GTPBP1: variants seen among roughly 807,000 people sequenced by gnomAD.
GTPBP1 encodes the protein GTP-binding protein 1.
In GTPBP1, 23 loss-of-function variants were observed where a neutral mutation model predicts 62.0. The ratio of observed to expected loss-of-function variants is 0.37; its 90% confidence interval spans 0.27 to 0.53. GTPBP1 has a LOEUF of 0.53. GTPBP1 is among the 20% of genes least tolerant of loss of function. GTPBP1 has a pLI of 0.89. For synonymous variants in GTPBP1, 344 were observed against 364.4 expected, an observed-to-expected ratio of 0.94 and a Z score of 0.64; for missense variants, 640 against 917.3, an observed-to-expected ratio of 0.70 and a Z score of 3.90.
At chr22:38,722,893 G>T (rs992498886) in intron 5 of GTPBP1, 1 of 1,280,686 alleles carries the variant, frequency 7.8e-7, no homozygotes, top group African/African-American at 1.5e-5. Flanking sequence ...TCCACGCTTC[G>T]GCCCACTGGG....
chr22:38,724,667 C>T (rs1486488982), intron 6 of GTPBP1, among the ~76,000 whole-genome samples: 2 of 152,036 alleles, frequency 1.3e-5, no homozygotes, highest in Admixed American at 6.5e-5. Context: ...GGTTGGCATC[C>T]CGGCTGAGAC....
chr22:38,738,930 G>A, downstream of GTPBP1: 2 of 1,613,628 alleles, frequency 1.2e-6, no homozygotes, highest in East Asian at 4.5e-5. This position sits in a 1 kb window ranked among gnomAD's most constrained non-coding sequence, Gnocchi z 6.6. Flanking sequence ...CGAAGAGGCT[G>A]AGGAGGGCCG....
At position 38,730,554 on chromosome 22, in the gene GTPBP1, C is replaced by A; in HGVS notation, c.1918-58C>A. 1 of 1,164,582 alleles carries A rather than the reference C, an allele frequency of 8.6e-7. No homozygotes were observed. The allele number at this position is 1,164,582 out of a possible 1,614,324, so 72.1% of individuals were successfully genotyped here. Reference sequence around the variant, plus strand: ...GTCTCCCCGCTGCTCAGCACCTCTGCTCTCTGGCCCTGCTCCTGATGGGCC... The same window carrying A: ...GTCTCCCCGCTGCTCAGCACCTCTGATCTCTGGCCCTGCTCCTGATGGGCC... On this transcript the variant is annotated intron_variant, in intron 11 of 11. Transcript: ENST00000216044. The surrounding 1 kb of genome is among the most constrained non-coding windows in gnomAD (Gnocchi z 5.6).
At chr22:38,720,249 TCTCA>T in intron 4 of GTPBP1, among the ~76,000 whole-genome samples, 1 of 149,790 alleles carries the variant, frequency 6.7e-6, no homozygotes, top group East Asian at 2.0e-4. Flanking sequence ...TGAGATGGAG[TCTCA>T]CTCTTGCCCA....
chr22:38,739,040 G>A (rs371332136), downstream of GTPBP1: 23 of 1,533,540 alleles, frequency 1.5e-5, no homozygotes, highest in African/African-American at 9.6e-5. This position sits in a 1 kb window ranked among gnomAD's most constrained non-coding sequence, Gnocchi z 6.7. Context: ...GGAGGGCCCC[G>A]CTCAGGCCAT....
rs2092726529 is a variant in GTPBP1, at chr22:38,726,302, C to T, written c.1263C>T (p.Ile421=). ...VVSGTTLRGL[I]KLNDTLLLGP... is the part of the protein sequence containing the mutation. ...CGGGGACAACACTGAGAGGCCTGAT[C>T]AAGCTGAATGACACGCTGCTGCTGG... The change falls in exon 8 of 12, where the codon ATC becomes ATT. Residue 421 remains isoleucine (I), a synonymous_variant. Coordinates refer to ENST00000216044, the MANE Select transcript of GTPBP1 (RefSeq NM_004286.5). This position sits in a 1 kb window ranked among gnomAD's most constrained non-coding sequence, Gnocchi z 4.1. 1 of 1,613,954 alleles carries T rather than the reference C, an allele frequency of 6.2e-7. No individual in the cohort carries two copies. Among genetic ancestry groups the T allele is most frequent in the Admixed American group, 1.7e-5 (1 of 59,968 alleles).
At chr22:38,721,369 T>TGA (rs2092699933) in intron 4 of GTPBP1, among the ~76,000 whole-genome samples, 1 of 152,042 alleles carries the variant, frequency 6.6e-6, no homozygotes, top group Non-Finnish European at 1.5e-5. Flanking sequence ...TGAGCCACCG[T>TGA]GCCCAGCCTT....
At chr22:38,706,333 A>G (rs2092604222) in intron 1 of GTPBP1, among the ~76,000 whole-genome samples, 186 bp downstream of exon 1, 2 of 151,998 alleles carry the variant, frequency 1.3e-5, no homozygotes, top group African/African-American at 2.4e-5. Flanking sequence ...GGCCGTCCCC[A>G]TGGTCCCCGC....
chr22:38,735,860 G>C (rs552956164), downstream of GTPBP1: 46 of 174,914 alleles, frequency 2.6e-4, no homozygotes, highest in African/African-American at 8.8e-4. Flanking sequence ...TTGCCCAGGG[G>C]CAGAGGCAGC....
rs71319010 is a variant in GTPBP1, at chr22:38,730,789, C to A, written c.*85C>A. On this transcript the variant is annotated 3_prime_UTR_variant, in exon 12 of 12. Coordinates refer to ENST00000216044, the MANE Select transcript of GTPBP1 (RefSeq NM_004286.5). This position sits in a 1 kb window ranked among gnomAD's most constrained non-coding sequence, Gnocchi z 5.6. ...CAGATGGGCAGAGCAGCTATGACCG[C>A]CACCCAGCCCTCCCGCTCAGGCCAC... 2 of 710,200 alleles carry A rather than the reference C, an allele frequency of 2.8e-6. No individual in the cohort carries two copies. Among genetic ancestry groups the A allele is most frequent in the African/African-American group, 3.6e-5 (2 of 55,362 alleles). The allele number at this position is 710,200 out of a possible 1,614,324, so 44.0% of individuals were successfully genotyped here.
chr22:38,727,883 C>G lies in GTPBP1; in HGVS notation c.1538-100C>G, dbSNP rs1452978439. The G allele has an allele frequency of 2.6e-6, 2 of 781,638 alleles. No individual in the cohort carries two copies. Among genetic ancestry groups the G allele is most frequent in the South Asian group, 1.6e-5 (1 of 62,634 alleles). The allele number at this position is 781,638 out of a possible 1,614,324, so 48.4% of individuals were successfully genotyped here. A position where few individuals can be genotyped will look rare whatever the true frequency, so the allele number is the denominator to read the frequency against. On this transcript the variant is annotated intron_variant, in intron 9 of 11. Transcript: ENST00000216044. The surrounding 1 kb of genome is among the most constrained non-coding windows in gnomAD (Gnocchi z 6.5). ...GCCCCAGAGATAAGCCCCCACCCTT[C>G]CACAGCTTAAGCGTATTTCATGCTT...
At chr22:38,740,267 G>A (rs138079219), downstream of GTPBP1, 2,810 of 1,573,900 alleles carry the variant, frequency 1.8e-3, 49 homozygotes, top group African/African-American at 0.035. The surrounding 1 kb of genome is among the most constrained non-coding windows in gnomAD (Gnocchi z 4.8). Flanking sequence ...TCCCACTCAC[G>A]TCGTCCCGCA....
downstream of GTPBP1, chr22:38,742,745 G>T: frequency 1.5e-6 from 1 of 670,240 alleles, no homozygotes; most frequent in Non-Finnish European, 2.4e-6. Flanking sequence ...TGTGCTGGGA[G>T]CCAGGGATCA....
At chr22:38,725,661 CTG>C (rs1413445461) in intron 6 of GTPBP1, 4 of 246,522 alleles carry the variant, frequency 1.6e-5, no homozygotes, top group African/African-American at 4.4e-5. Context: ...GGTATCTTCT[CTG>C]TGGTGGAAAG....
downstream of GTPBP1, chr22:38,739,541 T>A: frequency 1.5e-6 from 2 of 1,360,328 alleles, no homozygotes; most frequent in Non-Finnish European, 2.1e-6. This position sits in a 1 kb window ranked among gnomAD's most constrained non-coding sequence, Gnocchi z 6.7. Flanking sequence ...TGCACTGTGC[T>A]GGTGCCCAGG....
chr22:38,714,518 A>G (rs2092658418), intron 2 of GTPBP1, among the ~76,000 whole-genome samples: 1 of 150,280 alleles, frequency 6.7e-6, no homozygotes, highest in Non-Finnish European at 1.5e-5. Flanking sequence ...GTGGCATGTG[A>G]CAACTGCGGT....
At chr22:38,720,180 G>A (rs1203698959) in intron 4 of GTPBP1, among the ~76,000 whole-genome samples, 3 of 150,684 alleles carry the variant, frequency 2.0e-5, no homozygotes, top group African/African-American at 4.9e-5. Flanking sequence ...TGCCCGCCTC[G>A]GCCTCCCAAA....
downstream of GTPBP1, chr22:38,734,966 A>G (rs9835): frequency 0.38 from 100,723 of 265,788 alleles, 20,352 homozygotes; most frequent in African/African-American, 0.53. Flanking sequence ...CCCCGCAGCC[A>G]GACCACCAGA....
intron 1 of GTPBP1, 132 bp downstream of exon 1, chr22:38,706,279 C>A: frequency 1.9e-6 from 1 of 514,538 alleles, no homozygotes; most frequent in Non-Finnish European, 2.9e-6. Context: ...CCGAGCCCGC[C>A]CACCTGCTAG....
Sources: gnomAD v4.1 joint callset for allele counts (sites outside exome capture counted in the v4.1 genomes callset) on GRCh38, gnomAD v4.1.1 for gene constraint, Gnocchi (gnomAD v3.1) non-coding constraint, MANE v1.5 for transcripts, NCBI Gene and HGNC (gene_info 2026-07-23, HGNC 2026-07-21) for gene names.